ADAMTS3: variants seen among roughly 807,000 people sequenced by gnomAD.
ADAMTS3 encodes ADAM metallopeptidase with thrombospondin type 1 motif 3, also known as A disintegrin and metalloproteinase with thrombospondin motifs 3.
Under a neutral mutation model 129.0 loss-of-function variants are expected in ADAMTS3, and 73 were observed. That is an observed-to-expected ratio of 0.57 (90% CI 0.47 to 0.69). ADAMTS3 has a LOEUF of 0.69. Among genes scored for constraint, ADAMTS3 ranks in the 30% least tolerant of loss-of-function variants. The pLI is 0.00. For synonymous variants in ADAMTS3, 477 were observed against 510.8 expected (o/e 0.93, Z 0.89); for missense variants, 1,457 against 1,514.5 (o/e 0.96, Z 0.63).
chr4:72,322,223 T>C (rs1233568954), intron 6 of ADAMTS3, among the ~76,000 whole-genome samples: 3 of 152,186 alleles, frequency 2.0e-5, no homozygotes, highest in Non-Finnish European at 1.5e-5. Context: ...CATTATAAAA[T>C]GATAAGTGGA....
chr4:72,314,205 C>G (rs143508209), intron 11 of ADAMTS3, among the ~76,000 whole-genome samples: 1 of 152,110 alleles, frequency 6.6e-6, no homozygotes, highest in Non-Finnish European at 1.5e-5. Context: ...GCTACATGAT[C>G]TTTTTAAAAA....
chr4:72,389,604 T>C (rs1433703691), intron 4 of ADAMTS3, among the ~76,000 whole-genome samples: 1 of 152,066 alleles, frequency 6.6e-6, no homozygotes, highest in Admixed American at 6.5e-5. Flanking sequence ...GAAAGGACTA[T>C]GCAGTGGAGA....
chr4:72,309,538 C>A lies in ADAMTS3; in HGVS notation c.2056-18G>T. On this transcript the variant is annotated intron_variant, in intron 14 of 21. Coordinates refer to ENST00000286657, the MANE Select transcript of ADAMTS3 (RefSeq NM_014243.3). Reference sequence around the variant, plus strand: ...CCCACTTTCTGGAGAGAGAAGATGTCAAATGTGGCTAATTTTAGTGTGCCC... The same window carrying A: ...CCCACTTTCTGGAGAGAGAAGATGTAAAATGTGGCTAATTTTAGTGTGCCC... 1 of 1,610,138 alleles carries A rather than the reference C, an allele frequency of 6.2e-7. No homozygotes were observed. Among genetic ancestry groups the A allele is most frequent in the South Asian group, 1.1e-5 (1 of 90,908 alleles).
intron 4 of ADAMTS3, among the ~76,000 whole-genome samples, chr4:72,368,237 A>G (rs1260524839): frequency 6.6e-6 from 1 of 152,212 alleles, no homozygotes; most frequent in South Asian, 2.1e-4. Flanking sequence ...TTTGAATTCA[A>G]TATTACTCCC....
At chr4:72,380,672 C>A (rs75469691) in intron 4 of ADAMTS3, among the ~76,000 whole-genome samples, 1,686 of 152,140 alleles carry the variant, frequency 0.011, 42 homozygotes, top group African/African-American at 0.038. Context: ...AAGGAAATAT[C>A]GAATTTCTCA....
intron 3 of ADAMTS3, among the ~76,000 whole-genome samples, chr4:72,532,535 A>C (rs1721071331): frequency 6.6e-6 from 1 of 152,018 alleles, no homozygotes; most frequent in East Asian, 1.9e-4. Flanking sequence ...AACTTTATAT[A>C]TATCTATCTT....
At chr4:72,419,044 C>T (rs1722378630) in intron 3 of ADAMTS3, among the ~76,000 whole-genome samples, 1 of 152,302 alleles carries the variant, frequency 6.6e-6, no homozygotes, top group South Asian at 2.1e-4. Context: ...TTTTATTCTC[C>T]AGGCTTCAAC....
intron 3 of ADAMTS3, among the ~76,000 whole-genome samples, chr4:72,496,652 C>T (rs75758467): frequency 0.017 from 2,593 of 152,068 alleles, 29 homozygotes; most frequent in Non-Finnish European, 0.027. Flanking sequence ...TTATACTGTC[C>T]CTATTCATTT....
At chr4:72,385,310 C>T (rs1250682134) in intron 4 of ADAMTS3, among the ~76,000 whole-genome samples, 1 of 150,492 alleles carries the variant, frequency 6.6e-6, no homozygotes, top group Non-Finnish European at 1.5e-5. Flanking sequence ...TATTATAGTA[C>T]CTCAGTGGCC....
intron 4 of ADAMTS3, among the ~76,000 whole-genome samples, chr4:72,348,351 T>C (rs530566223): frequency 6.6e-6 from 1 of 152,124 alleles, no homozygotes; most frequent in South Asian, 2.1e-4. Context: ...AGTGATGGAG[T>C]AAGCCACACA....
Position 72,319,437 on chromosome 4 carries a change from C to A in ADAMTS3, c.1247G>T (p.Gly416Val), listed in dbSNP as rs1560470876. ...MEHDGQGNRC[G>V]DETAMGSVMA... ...GACACTTCCCATAGCAGTCTCATCA[C>A]CACACCTGTTGCCTTGTCCATCATG... Residue 416 changes from glycine (G) to valine (V), a missense_variant, in exon 9 of 22, where the codon GGT (glycine) becomes GTT (valine). Coordinates refer to ENST00000286657, the MANE Select transcript of ADAMTS3 (RefSeq NM_014243.3). 2.5e-6 allele frequency: 4 copies of A among 1,613,794 alleles called. No homozygotes were observed. In the African/African-American group the frequency reaches 4.0e-5, roughly 16 times the overall value.
intron 3 of ADAMTS3, among the ~76,000 whole-genome samples, chr4:72,505,422 T>C (rs1032907872): frequency 1.2e-4 from 18 of 152,170 alleles, no homozygotes; most frequent in African/African-American, 3.9e-4. Flanking sequence ...ATGGCGCTTA[T>C]GGGTAAGAGC....
chr4:72,288,779 G>T lies in ADAMTS3; in HGVS notation c.3021C>A (p.Val1007=). The T allele has an allele frequency of 6.2e-7, 1 of 1,613,798 alleles. No homozygotes were observed. The highest frequency in any genetic ancestry group is 8.5e-7 in the Non-Finnish European group (1 of 1,179,792). The stretch of plus-strand genomic sequence containing the variant: ...TACAAGGAGGCAGTTGACAGGCTCT[G>T]ACCGACTCAGGCTTTTCACCATCAC... ...DHCDGEKPES[V]RACQLPPCND... is the part of the protein sequence containing the mutation. Residue 1007 remains valine, a synonymous_variant, in exon 21 of 22, where the codon GTC becomes GTA. Transcript: ENST00000286657.
intron 3 of ADAMTS3, among the ~76,000 whole-genome samples, chr4:72,493,816 T>G (rs1344705379): frequency 6.6e-6 from 1 of 152,118 alleles, no homozygotes; most frequent in African/African-American, 2.4e-5. Flanking sequence ...AAGTCACTAT[T>G]TCTCCCTCAT....
chr4:72,474,188 T>C lies in ADAMTS3; in HGVS notation c.505-59217A>G, dbSNP rs947829669. ...AAAATCACTCGTCATATCAAGAACCTGGAAGATCTCAAACTAAATGAAAAA... is the reference window on the plus strand; with the variant it reads ...AAAATCACTCGTCATATCAAGAACCCGGAAGATCTCAAACTAAATGAAAAA... On this transcript the variant is annotated intron_variant, in intron 3 of 21. Transcript: ENST00000286657. Among the ~76,000 whole-genome samples the C allele has an allele frequency of 3.3e-5, 5 of 152,146 alleles. No homozygotes were observed. The East Asian group carries it at 7.7e-4, about 23-fold the overall frequency.
chr4:72,370,366 T>C (rs1039465945), intron 4 of ADAMTS3, among the ~76,000 whole-genome samples: 3 of 151,196 alleles, frequency 2.0e-5, no homozygotes, highest in Non-Finnish European at 1.5e-5. Flanking sequence ...GCTTATTATA[T>C]CATTTGCTTA....
chr4:72,451,773 T>G (rs1470710491), intron 3 of ADAMTS3, among the ~76,000 whole-genome samples: 2 of 151,798 alleles, frequency 1.3e-5, no homozygotes, highest in African/African-American at 4.8e-5. Flanking sequence ...TGAAGCATTA[T>G]TGGAGATTTT....
At chr4:72,514,860 G>A (rs181327079) in intron 3 of ADAMTS3, among the ~76,000 whole-genome samples, 1 of 151,634 alleles carries the variant, frequency 6.6e-6, no homozygotes, top group Non-Finnish European at 1.5e-5. Context: ...TATACTTTAA[G>A]TTTTAGGGTA....
At chr4:72,470,361 T>TTATATATATATATATATATATATATATA (rs143241307) in intron 3 of ADAMTS3, among the ~76,000 whole-genome samples, 2 of 116,480 alleles carry the variant, frequency 1.7e-5, no homozygotes, top group Non-Finnish European at 3.6e-5. Context: ...TATTTTAAGT[T>TTATATATATATATATATATATATATATA]TATATATATA....
Sources: gnomAD v4.1 joint callset for allele counts (sites outside exome capture counted in the v4.1 genomes callset) on GRCh38, gnomAD v4.1.1 for gene constraint, MANE v1.5 for transcripts, NCBI Gene and HGNC (gene_info 2026-07-23, HGNC 2026-07-21) for gene names.